The following SHC3 variants were observed in gnomAD, a reference collection of about 807,000 sequenced individuals.
SHC3 encodes SHC adaptor protein 3.
Under a neutral mutation model 60.4 loss-of-function variants are expected in SHC3, and 15 were observed. The ratio of observed to expected loss-of-function variants is 0.25; its 90% CI spans 0.17 to 0.38. SHC3 has a LOEUF of 0.38. Among genes scored for constraint, SHC3 ranks in the 10% least tolerant of loss-of-function variants. SHC3 has a pLI of 1.00. For synonymous variants in SHC3, 294 were observed against 325.9 expected, an observed-to-expected ratio of 0.90 and a Z score of 1.05; for missense variants, 677 against 786.1, an observed-to-expected ratio of 0.86 and a Z score of 1.66.
At chr9:89,169,379 C>G (rs1166993691) in intron 1 of SHC3, among the ~76,000 whole-genome samples, 1 of 152,226 alleles carries the variant, frequency 6.6e-6, no homozygotes, top group African/African-American at 2.4e-5. Flanking sequence ...TATTTGGTAT[C>G]ACTGTTAAGC....
Position 89,085,125 on chromosome 9 carries a change from C to T in SHC3, c.546-7222G>A, listed in dbSNP as rs981972490. 5.3e-5 allele frequency among the ~76,000 whole-genome samples: 8 copies of T among 152,308 alleles called. No individual in the cohort carries two copies. The South Asian group carries it at 1.2e-3, about 24-fold the overall frequency. On this transcript the variant is annotated intron_variant, in intron 2 of 11. Coordinates refer to ENST00000375835, the MANE Select transcript of SHC3 (RefSeq NM_016848.6). The stretch of plus-strand genomic sequence containing the variant: ...AGCAAACTTGGCCCCAAAGCTTCTG[C>T]CCTTTGGAAACACACACACAAAAGA...
At chr9:89,174,492 T>A (rs1346115086) in intron 1 of SHC3, among the ~76,000 whole-genome samples, 1 of 152,258 alleles carries the variant, frequency 6.6e-6, no homozygotes, top group Non-Finnish European at 1.5e-5. Flanking sequence ...CAGGTGTTTA[T>A]GAATGGCGTA....
chr9:89,175,465 ATTCACCAGAC>A (rs1826929272), intron 1 of SHC3, among the ~76,000 whole-genome samples: 1 of 152,256 alleles, frequency 6.6e-6, no homozygotes, highest in African/African-American at 2.4e-5. Context: ...GATGATCAAA[ATTCACCAGAC>A]TTCTGTATTT....
intron 1 of SHC3, among the ~76,000 whole-genome samples, chr9:89,128,615 G>A (rs1168285526): frequency 2.6e-5 from 4 of 152,198 alleles, no homozygotes; most frequent in South Asian, 4.1e-4. Context: ...TTCAGCCTCC[G>A]CTGGTGATAT....
intron 11 of SHC3, among the ~76,000 whole-genome samples, chr9:89,016,969 G>C (rs1010056350): frequency 6.6e-6 from 1 of 151,994 alleles, no homozygotes; most frequent in South Asian, 2.1e-4. Flanking sequence ...CTTACCAAGA[G>C]ATTTTTTCTT....
intron 6 of SHC3, among the ~76,000 whole-genome samples, chr9:89,059,319 GTTGTGGAGGAT>G (rs1825023401): frequency 2.8e-5 from 1 of 35,170 alleles, no homozygotes; most frequent in African/African-American, 1.2e-4. Context: ...GGTGGAGGAC[GTTGTGGAGGAT>G]GGTGGTGGAG....
In SHC3 at chr9:89,040,440, G is replaced by T. The variant is rs150321836; in HGVS notation, c.1360+1586C>A. Among the ~76,000 whole-genome samples, 914 of 152,062 alleles carry T rather than the reference G, an allele frequency of 6.0e-3. 5 individuals are homozygous for T. The highest frequency in any genetic ancestry group is 9.9e-3 in the Non-Finnish European group (671 of 68,012). ...TCCCCTCCTTAGGTTTTGAAAGCAG[G>T]AGGAGAAATTAACTGGTGGGAAAAG... On this transcript the variant is annotated intron_variant, in intron 10 of 11. Coordinates refer to ENST00000375835, the MANE Select transcript of SHC3 (RefSeq NM_016848.6).
At chr9:89,112,525 A>C in intron 2 of SHC3, 31 bp downstream of exon 2, 1 of 1,601,234 alleles carries the variant, frequency 6.2e-7, no homozygotes, top group East Asian at 2.2e-5. Context: ...CAGAAGTAAA[A>C]TCACAGGAGT....
intron 1 of SHC3, among the ~76,000 whole-genome samples, chr9:89,139,226 G>C (rs756225454): frequency 1.4e-4 from 21 of 152,138 alleles, no homozygotes; most frequent in Admixed American, 1.2e-3. Context: ...TTGGTTCACA[G>C]GAATGAGCCA....
intron 7 of SHC3, among the ~76,000 whole-genome samples, chr9:89,050,474 C>T (rs938892715): frequency 7.9e-5 from 12 of 152,210 alleles, no homozygotes; most frequent in African/African-American, 1.4e-4. Flanking sequence ...TTAGTAGAGA[C>T]GGGATTTCAC....
chr9:89,110,641 C>T (rs1825933909), intron 2 of SHC3, among the ~76,000 whole-genome samples: 2 of 152,166 alleles, frequency 1.3e-5, no homozygotes, highest in African/African-American at 4.8e-5. Flanking sequence ...AACATGTCAC[C>T]TACTGAAAAT....
At chr9:89,020,557 G>A (rs975646998) in intron 11 of SHC3, among the ~76,000 whole-genome samples, 2 of 152,144 alleles carry the variant, frequency 1.3e-5, no homozygotes, top group Non-Finnish European at 2.9e-5. Flanking sequence ...TCTGGTGCCA[G>A]GATCTAGGGG....
chr9:89,098,781 A>G (rs1319720648), intron 2 of SHC3, among the ~76,000 whole-genome samples: 1 of 151,704 alleles, frequency 6.6e-6, no homozygotes, highest in Non-Finnish European at 1.5e-5. Flanking sequence ...ACTGCACTCC[A>G]GCGTGGGTGA....
intron 1 of SHC3, among the ~76,000 whole-genome samples, chr9:89,147,085 T>C (rs758353649): frequency 5.3e-5 from 8 of 152,058 alleles, no homozygotes; most frequent in Non-Finnish European, 7.4e-5. Context: ...TGTGATATGT[T>C]CATGAAATAT....
intron 7 of SHC3, 80 bp from the exon 8 acceptor site, chr9:89,047,074 G>A: frequency 7.1e-7 from 1 of 1,411,308 alleles, no homozygotes; most frequent in Non-Finnish European, 9.3e-7. Flanking sequence ...GTTAGCGCCT[G>A]TTATTAAGAA....
intron 3 of SHC3, among the ~76,000 whole-genome samples, chr9:89,077,636 G>A (rs763307354): frequency 2.6e-5 from 4 of 152,208 alleles, no homozygotes; most frequent in Non-Finnish European, 4.4e-5. Context: ...AGTAACCAGG[G>A]TGTCTACTTC....
intron 11 of SHC3, among the ~76,000 whole-genome samples, chr9:89,020,595 T>A (rs1345443335): frequency 6.6e-6 from 1 of 152,072 alleles, no homozygotes; most frequent in Non-Finnish European, 1.5e-5. Context: ...AGCAACAGAA[T>A]GAGACAGATA....
At chr9:89,058,353 G>A (rs548377630) in intron 6 of SHC3, among the ~76,000 whole-genome samples, 1 of 149,460 alleles carries the variant, frequency 6.7e-6, no homozygotes, top group African/African-American at 2.5e-5. Context: ...GAGGATGGTG[G>A]CGTAGGACGT....
chr9:89,076,705 G>C (rs949468315), intron 3 of SHC3, among the ~76,000 whole-genome samples: 10 of 151,962 alleles, frequency 6.6e-5, no homozygotes, highest in African/African-American at 2.4e-4. Context: ...TTTCCCCTCC[G>C]TTCACAGTTG....
Sources: allele counts gnomAD v4.1 joint callset (sites outside exome capture counted in the v4.1 genomes callset), GRCh38; gene constraint gnomAD v4.1.1; transcripts MANE v1.5; gene names NCBI Gene and HGNC (gene_info 2026-07-23, HGNC 2026-07-21).